The following PPP3CA variants were observed in gnomAD, a reference collection of about 807,000 sequenced individuals.
PPP3CA encodes the protein CAM-PRP catalytic subunit.
PPP3CA carries 14 observed loss-of-function variants against 66.5 expected under a neutral mutation model. The ratio of observed to expected loss-of-function variants is 0.21; its 90% CI spans 0.14 to 0.33. PPP3CA has a LOEUF of 0.33. Ranked by LOEUF, PPP3CA falls within the 10% of genes least tolerant of loss-of-function variation. The pLI is 1.00. For synonymous variants in PPP3CA, 232 were observed against 226.2 expected (o/e 1.03, Z -0.23); for missense variants, 317 against 639.5 (o/e 0.50, Z 5.44).
chr4:101,325,541 T>C (rs924019069), intron 1 of PPP3CA, among the ~76,000 whole-genome samples: 4 of 152,154 alleles, frequency 2.6e-5, no homozygotes, highest in African/African-American at 7.2e-5. Flanking sequence ...ACAGGGCTAC[T>C]GTTAACTAAA....
At chr4:101,225,489 G>A (rs1411552135) in intron 1 of PPP3CA, among the ~76,000 whole-genome samples, 3 of 151,816 alleles carry the variant, frequency 2.0e-5, no homozygotes, top group Non-Finnish European at 2.9e-5. Flanking sequence ...AAAATTCATA[G>A]TTCAAATGAC....
At chr4:101,313,741 A>G (rs1303645488) in intron 1 of PPP3CA, among the ~76,000 whole-genome samples, 1 of 152,248 alleles carries the variant, frequency 6.6e-6, no homozygotes, top group East Asian at 1.9e-4. Context: ...AAAAGAAGGC[A>G]TGATTTATTA....
At chr4:101,298,925 G>A (rs541236436) in intron 1 of PPP3CA, among the ~76,000 whole-genome samples, 82 of 151,396 alleles carry the variant, frequency 5.4e-4, no homozygotes, top group African/African-American at 1.9e-3. Flanking sequence ...GATATGCTCT[G>A]AGAAATGTAT....
chr4:101,221,419 AG>A (rs1332214462), intron 1 of PPP3CA, among the ~76,000 whole-genome samples: 1 of 149,770 alleles, frequency 6.7e-6, no homozygotes, highest in African/African-American at 2.4e-5. Context: ...GACATATTCT[AG>A]GTCATATCAC....
rs190319056 is a variant in PPP3CA, at chr4:101,204,446, C to A, written c.59-8330G>T. ...GGTCAGGAGATCAAGACCATCCTGG[C>A]TAACACGGTGAAACCCCATCTCTAC... On this transcript the variant is annotated intron_variant, in intron 1 of 13. Transcript: ENST00000394854. Among the ~76,000 whole-genome samples, 345 of 152,130 alleles carry A rather than the reference C, an allele frequency of 2.3e-3. 4 individuals are homozygous for A. The highest frequency in any genetic ancestry group is 7.8e-3 in the African/African-American group (324 of 41,500).
At position 101,242,845 on chromosome 4, in the gene PPP3CA, T is replaced by C. The variant is rs553370024; in HGVS notation, c.59-46729A>G. Among the ~76,000 whole-genome samples, 6 of 152,254 alleles carry C rather than the reference T, an allele frequency of 3.9e-5. No individual in the cohort carries two copies. The East Asian group carries it at 1.2e-3, about 30-fold the overall frequency. ...CAGGAGGCTGGGGCAGGAGGATCAC[T>C]GTAGCCCAGGAGTTGGAGGCTGCAG... On this transcript the variant is annotated intron_variant, in intron 1 of 13. Coordinates refer to ENST00000394854, the MANE Select transcript of PPP3CA (RefSeq NM_000944.5).
intron 10 of PPP3CA, among the ~76,000 whole-genome samples, chr4:101,047,190 A>C (rs1727803032): frequency 6.6e-6 from 1 of 152,086 alleles, no homozygotes; most frequent in Admixed American, 6.6e-5. Context: ...GTTGGCTATG[A>C]ATTGTGACAA....
At chr4:101,041,547 G>A (rs1727521943) in intron 10 of PPP3CA, among the ~76,000 whole-genome samples, 2 of 145,338 alleles carry the variant, frequency 1.4e-5, no homozygotes, top group Non-Finnish European at 3.0e-5. Flanking sequence ...TGATTTTCCT[G>A]CCTCAGCCTC....
At chr4:101,054,058 G>A (rs1560579951) in intron 10 of PPP3CA, among the ~76,000 whole-genome samples, 1 of 151,980 alleles carries the variant, frequency 6.6e-6, no homozygotes. Flanking sequence ...AATGTTGACA[G>A]AACAAGAATC....
At chr4:101,051,628 A>G (rs1376952151) in intron 10 of PPP3CA, among the ~76,000 whole-genome samples, 3 of 152,182 alleles carry the variant, frequency 2.0e-5, no homozygotes, top group Admixed American at 2.0e-4. Context: ...GTTCTAAAAT[A>G]CAGAGATTCT....
At chr4:101,278,149 TAA>T (rs1200528599) in intron 1 of PPP3CA, among the ~76,000 whole-genome samples, 1 of 119,530 alleles carries the variant, frequency 8.4e-6, no homozygotes, top group Non-Finnish European at 1.6e-5. Context: ...ATAAAAAAAT[TAA>T]AAAGTTATTT....
intron 1 of PPP3CA, among the ~76,000 whole-genome samples, chr4:101,254,283 C>G (rs1030007674): frequency 6.6e-6 from 1 of 151,904 alleles, no homozygotes; most frequent in Non-Finnish European, 1.5e-5. Context: ...ATATTAAGCA[C>G]TTGATGAATA....
intron 11 of PPP3CA, among the ~76,000 whole-genome samples, chr4:101,037,982 C>T (rs1404912208): frequency 6.6e-6 from 1 of 152,224 alleles, no homozygotes; most frequent in African/African-American, 2.4e-5. Flanking sequence ...TGCTCCCCAA[C>T]TGAGGGAGTT....
chr4:101,080,661 T>C, intron 7 of PPP3CA, 35 bp from the exon 8 acceptor site: 2 of 1,285,712 alleles, frequency 1.6e-6, no homozygotes, highest in Non-Finnish European at 2.1e-6. Context: ...ACAAAGCTTG[T>C]ATGGAAAAAA....
chr4:101,324,580 G>C (rs1210288397), intron 1 of PPP3CA, among the ~76,000 whole-genome samples: 1 of 152,074 alleles, frequency 6.6e-6, no homozygotes, highest in Admixed American at 6.6e-5. Flanking sequence ...CCTATCCAGT[G>C]TAATGATGCG....
At chr4:101,037,402 A>G (rs889329946) in intron 11 of PPP3CA, among the ~76,000 whole-genome samples, 1 of 152,234 alleles carries the variant, frequency 6.6e-6, no homozygotes, top group Non-Finnish European at 1.5e-5. Flanking sequence ...ATAAGGTTGC[A>G]CATTTCCAAA....
intron 2 of PPP3CA, among the ~76,000 whole-genome samples, chr4:101,129,267 C>T (rs1452150586): frequency 6.6e-6 from 1 of 152,160 alleles, no homozygotes; most frequent in Non-Finnish European, 1.5e-5. Context: ...ATAGATAAAA[C>T]TCCCATCTCC....
chr4:101,137,313 A>G (rs575149775), intron 2 of PPP3CA, among the ~76,000 whole-genome samples: 46 of 152,264 alleles, frequency 3.0e-4, no homozygotes, highest in Non-Finnish European at 5.4e-4. Flanking sequence ...AAAAGGCAAG[A>G]TGGGGGGAGT....
At chr4:101,164,025 G>C (rs1303981452) in intron 2 of PPP3CA, among the ~76,000 whole-genome samples, 4 of 17,362 alleles carry the variant, frequency 2.3e-4, no homozygotes, top group Non-Finnish European at 4.1e-4. Flanking sequence ...CTGTCACCCA[G>C]GCTGGAGTGC....
Sources: gnomAD v4.1 joint callset for allele counts (sites outside exome capture counted in the v4.1 genomes callset) on GRCh38, gnomAD v4.1.1 for gene constraint, MANE v1.5 for transcripts, NCBI Gene and HGNC (gene_info 2026-07-23, HGNC 2026-07-21) for gene names.